The following SLC4A5 variants were observed in gnomAD, a reference collection of about 807,000 sequenced individuals.
SLC4A5 encodes solute carrier family 4 member 5, also known as electrogenic sodium bicarbonate cotransporter 4.
Under a neutral mutation model 120.4 loss-of-function variants are expected in SLC4A5, and 96 were observed. The ratio of observed to expected loss-of-function variants is 0.80; its 90% CI spans 0.68 to 0.94. SLC4A5 has a LOEUF of 0.94. SLC4A5 is among the 40% of genes least tolerant of loss of function. SLC4A5 has a pLI of 0.00. For synonymous variants in SLC4A5, 550 were observed against 571.1 expected (o/e 0.96, Z 0.53); for missense variants, 1,259 against 1,459.5 (o/e 0.86, Z 2.24).
intron 24 of SLC4A5, 37 bp downstream of exon 24, chr2:74,232,432 C>A (rs755706795): frequency 6.3e-7 from 1 of 1,593,162 alleles, no homozygotes; most frequent in East Asian, 2.3e-5. Flanking sequence ...GTGGGCCCCT[C>A]CCCATTGGGT....
chr2:74,258,960 G>C (rs1001206042), intron 12 of SLC4A5, among the ~76,000 whole-genome samples: 4 of 152,156 alleles, frequency 2.6e-5, no homozygotes, highest in African/African-American at 9.7e-5. Context: ...AGATAGACAA[G>C]GGGACCATGG....
At chr2:74,290,855 G>C (rs1672144520) in intron 7 of SLC4A5, 1 of 721,206 alleles carries the variant, frequency 1.4e-6, no homozygotes, top group African/African-American at 1.9e-5. Context: ...CTATGTGCCT[G>C]TGGTCTCTAG....
chr2:74,271,530 T>C (rs1671474768), intron 8 of SLC4A5, among the ~76,000 whole-genome samples: 1 of 152,162 alleles, frequency 6.6e-6, no homozygotes, highest in East Asian at 1.9e-4. Flanking sequence ...TCAGGCTCAG[T>C]GCCTAAATTA....
chr2:74,228,677 C>CAAA (rs148144810), intron 25 of SLC4A5, among the ~76,000 whole-genome samples: 6 of 102,416 alleles, frequency 5.9e-5, no homozygotes, highest in Admixed American at 2.0e-4. Flanking sequence ...CCAAAAAAAC[C>CAAA]AAAAAAAAAC....
chr2:74,300,722 G>T (rs1439154798), intron 7 of SLC4A5, among the ~76,000 whole-genome samples: 2 of 152,100 alleles, frequency 1.3e-5, no homozygotes, highest in Non-Finnish European at 2.9e-5. Flanking sequence ...CTGTTTGTGG[G>T]TCTGTCATCT....
At chr2:74,277,493 G>A (rs1671681498) in intron 8 of SLC4A5, among the ~76,000 whole-genome samples, 1 of 152,156 alleles carries the variant, frequency 6.6e-6, no homozygotes, top group South Asian at 2.1e-4. Flanking sequence ...AGGTTGCAGT[G>A]AGCTGATATT....
chr2:74,257,314 G>A (rs1670999440), intron 12 of SLC4A5, among the ~76,000 whole-genome samples: 1 of 152,060 alleles, frequency 6.6e-6, no homozygotes, highest in African/African-American at 2.4e-5. Context: ...CTAACATAGT[G>A]AGAAAAAGCA....
intron 20 of SLC4A5, among the ~76,000 whole-genome samples, chr2:74,240,599 T>C (rs1203112112): frequency 2.0e-5 from 3 of 152,008 alleles, no homozygotes; most frequent in Non-Finnish European, 4.4e-5. Context: ...TGAGACCTTG[T>C]CTCTACAAAA....
At chr2:74,309,065 T>C (rs919461783) in intron 6 of SLC4A5, among the ~76,000 whole-genome samples, 1 of 151,574 alleles carries the variant, frequency 6.6e-6, no homozygotes, top group African/African-American at 2.4e-5. Context: ...CAGGCATGCA[T>C]CACCACACCC....
chr2:74,330,509 A>C (rs1016576391), intron 4 of SLC4A5, among the ~76,000 whole-genome samples: 4 of 149,756 alleles, frequency 2.7e-5, no homozygotes, highest in African/African-American at 9.9e-5. Context: ...GGTGAGGTCT[A>C]GATGGAGGTG....
At chr2:74,265,224 G>A (rs1671266122) in exon 9 of SLC4A5, 2 of 1,614,234 alleles carry the variant, frequency 1.2e-6, no homozygotes, top group Non-Finnish European at 8.5e-7. Flanking sequence ...TTGCTCCAGC[G>A]TTCGCCGCCT....
chr2:74,233,532 G>C, exon 23 of SLC4A5: 1 of 1,613,958 alleles, frequency 6.2e-7, no homozygotes. Context: ...CCCAAAGGGG[G>C]CCACGAACCA....
intron 25 of SLC4A5, among the ~76,000 whole-genome samples, chr2:74,228,191 C>T (rs1021582431): frequency 4.6e-5 from 7 of 152,246 alleles, no homozygotes; most frequent in Admixed American, 2.6e-4. Context: ...ACTCCACAGA[C>T]TGCCCCCTCC....
chr2:74,328,921 G>A (rs1431137541), intron 4 of SLC4A5, among the ~76,000 whole-genome samples: 1 of 152,158 alleles, frequency 6.6e-6, no homozygotes, highest in Non-Finnish European at 1.5e-5. Context: ...TTTGTAAAAT[G>A]CTCCAAGGTG....
intron 9 of SLC4A5, among the ~76,000 whole-genome samples, chr2:74,264,539 G>T (rs1194938479): frequency 6.8e-5 from 9 of 132,446 alleles, no homozygotes; most frequent in Non-Finnish European, 1.4e-4. Context: ...TTCTGTCAAT[G>T]TTCTTATGAA....
At chr2:74,223,681 G>C (rs910689806) in intron 28 of SLC4A5, among the ~76,000 whole-genome samples, 5 of 152,228 alleles carry the variant, frequency 3.3e-5, no homozygotes, top group South Asian at 4.1e-4. Flanking sequence ...TAGCCACTCA[G>C]ATATTTATTG....
intron 27 of SLC4A5, 63 bp from the exon 28 acceptor site, chr2:74,225,058 A>G (rs770117994): frequency 9.8e-6 from 15 of 1,523,104 alleles, no homozygotes; most frequent in Non-Finnish European, 1.3e-5. Flanking sequence ...TCAATGCCCA[A>G]ACTCAGGCAT....
At chr2:74,314,222 G>C (rs1252279990) in intron 6 of SLC4A5, among the ~76,000 whole-genome samples, 1 of 152,104 alleles carries the variant, frequency 6.6e-6, no homozygotes, top group Non-Finnish European at 1.5e-5. Flanking sequence ...TGAACTGTGG[G>C]GAGTGGCTTG....
intron 3 of SLC4A5, among the ~76,000 whole-genome samples, chr2:74,337,187 G>A (rs889463405): frequency 6.6e-6 from 1 of 152,206 alleles, no homozygotes; most frequent in Non-Finnish European, 1.5e-5. Flanking sequence ...ACAATCTGTG[G>A]ATCTGAGAGC....
Sources: gnomAD v4.1 joint callset for allele counts (sites outside exome capture counted in the v4.1 genomes callset) on GRCh38, gnomAD v4.1.1 for gene constraint, MANE v1.5 for transcripts, NCBI Gene and HGNC (gene_info 2026-07-23, HGNC 2026-07-21) for gene names.